ETV6: variants seen among roughly 807,000 people sequenced by gnomAD.
ETV6 encodes the protein ETS variant transcription factor 6.
ETV6 carries 16 observed loss-of-function variants against 51.1 expected under a neutral mutation model. The observed-to-expected ratio is 0.31, with a 90% CI of 0.21 to 0.48. The LOEUF (loss-of-function observed/expected upper bound fraction) is 0.48. Ranked by LOEUF, ETV6 falls within the 20% of genes least tolerant of loss-of-function variation. The pLI is 0.99. For missense variants in ETV6, 458 were observed against 594.8 expected (o/e 0.77, Z 2.39); for synonymous variants, 240 against 224.1 (o/e 1.07, Z -0.64).
chr12:11,823,612 T>C (rs1270493992), intron 2 of ETV6, among the ~76,000 whole-genome samples: 5 of 151,908 alleles, frequency 3.3e-5, no homozygotes, highest in Non-Finnish European at 4.4e-5. Flanking sequence ...GATGACAGGC[T>C]CCCATCACTA....
At chr12:11,880,156 T>C (rs1947067523) in intron 5 of ETV6, among the ~76,000 whole-genome samples, 1 of 152,034 alleles carries the variant, frequency 6.6e-6, no homozygotes, top group Non-Finnish European at 1.5e-5. Context: ...CCACTTATAC[T>C]CTGAGCTTGA....
At position 11,891,255 on chromosome 12, in the gene ETV6, A is replaced by T. The variant is rs1412187076; in HGVS notation, c.*209A>T. On this transcript the variant is annotated 3_prime_UTR_variant, in exon 8 of 8. Transcript: ENST00000396373. ...ACAGGCGGGGCTGGAATTCTGGCGG[A>T]GGGCATGAGCCTGGGACTCCATGTC... 7 of 518,538 alleles carry T rather than the reference A, an allele frequency of 1.3e-5. No homozygotes were observed. In the Admixed American group the frequency reaches 2.4e-4, roughly 18 times the overall value. 32.1% of individuals were successfully genotyped at this position (518,538 alleles called of 1,614,324 possible). A position where few individuals can be genotyped will look rare whatever the true frequency, so the allele number is the denominator to read the frequency against.
At chr12:11,852,098 G>A (rs2238123) in intron 3 of ETV6, among the ~76,000 whole-genome samples, 60,096 of 152,098 alleles carry the variant, frequency 0.4, 14,078 homozygotes, top group South Asian at 0.59. Flanking sequence ...TCACAGGCCT[G>A]TGATATTGTA....
intron 1 of ETV6, among the ~76,000 whole-genome samples, chr12:11,685,739 C>A (rs1274195772): frequency 6.6e-6 from 1 of 152,096 alleles, no homozygotes; most frequent in Non-Finnish European, 1.5e-5. Flanking sequence ...TTGTCTTAAT[C>A]TTTTCTGTAA....
At chr12:11,664,182 GT>G (rs1864153954) in intron 1 of ETV6, among the ~76,000 whole-genome samples, 2 of 152,150 alleles carry the variant, frequency 1.3e-5, no homozygotes, top group Admixed American at 1.3e-4. Context: ...CTACTATTGG[GT>G]TTTTAATGGA....
chr12:11,737,171 C>T (rs1865719048), intron 1 of ETV6, among the ~76,000 whole-genome samples: 1 of 152,118 alleles, frequency 6.6e-6, no homozygotes, highest in Admixed American at 6.5e-5. Flanking sequence ...AAGAACAAGA[C>T]CTAGATCCAG....
intron 2 of ETV6, among the ~76,000 whole-genome samples, chr12:11,833,118 A>G (rs7972488): frequency 0.074 from 11,259 of 152,284 alleles, 1,010 homozygotes; most frequent in African/African-American, 0.22. Context: ...TGCTAGCTAT[A>G]TATGTTCAGG....
chr12:11,833,305 A>G (rs1182067718), intron 2 of ETV6, among the ~76,000 whole-genome samples: 1 of 152,222 alleles, frequency 6.6e-6, no homozygotes, highest in Admixed American at 6.5e-5. Flanking sequence ...TACATTATCT[A>G]TGATTCAATG....
chr12:11,690,886 C>CTAAATAAA (rs58188628), intron 1 of ETV6, among the ~76,000 whole-genome samples: 16,775 of 140,476 alleles, frequency 0.12, 2,298 homozygotes, highest in African/African-American at 0.34. Context: ...GACTCTGTCT[C>CTAAATAAA]TAAATAAATA....
chr12:11,665,701 C>A (rs1206157557), intron 1 of ETV6, among the ~76,000 whole-genome samples: 1 of 152,178 alleles, frequency 6.6e-6, no homozygotes, highest in Non-Finnish European at 1.5e-5. Flanking sequence ...TGAGCAAATA[C>A]TCTGTGAGGG....
intron 2 of ETV6, among the ~76,000 whole-genome samples, chr12:11,754,121 G>A (rs952626166): frequency 2.0e-5 from 3 of 152,074 alleles, no homozygotes; most frequent in African/African-American, 7.2e-5. Flanking sequence ...AGAAATATTC[G>A]CCTCAGGATG....
intron 1 of ETV6, among the ~76,000 whole-genome samples, chr12:11,694,118 T>C (rs1217741520): frequency 1.3e-5 from 2 of 152,210 alleles, no homozygotes; most frequent in African/African-American, 4.8e-5. Flanking sequence ...GGATGGCTTT[T>C]TGGAAATCAT....
rs59241338 is a variant in ETV6 at position 11,738,307 on chromosome 12, C to CTTTT, written c.34-14125_34-14122dup. Among the ~76,000 whole-genome samples, 32 of 114,028 alleles carry CTTTT rather than the reference C, an allele frequency of 2.8e-4. 1 individual carries two copies. The highest frequency in any genetic ancestry group is 1.2e-3 in the African/African-American group (30 of 25,526). 74.8% of individuals were successfully genotyped at this position (114,028 alleles called of 152,430 possible). The stretch of plus-strand genomic sequence containing the variant: ...TCTCTCTGTTTTTTGTTTGTTTTTG[C>CTTTT]TTTTTTTTTTTTTTTTTTTTTAAAT... On this transcript the variant is annotated intron_variant, in intron 1 of 7. Transcript: ENST00000396373.
chr12:11,690,271 C>A (rs1254591859), intron 1 of ETV6, among the ~76,000 whole-genome samples: 3 of 151,910 alleles, frequency 2.0e-5, no homozygotes, highest in South Asian at 2.1e-4. Flanking sequence ...CTTTCTCCCC[C>A]TTCCTCACGT....
At chr12:11,664,061 G>A (rs114188208) in intron 1 of ETV6, among the ~76,000 whole-genome samples, 6 of 152,146 alleles carry the variant, frequency 3.9e-5, no homozygotes, top group African/African-American at 1.4e-4. Context: ...GCAAACTAGC[G>A]TTTGGGTTCC....
chr12:11,720,326 A>G (rs528263705), intron 1 of ETV6, among the ~76,000 whole-genome samples: 3 of 152,342 alleles, frequency 2.0e-5, no homozygotes, highest in South Asian at 2.1e-4. Context: ...TAAACAGCAC[A>G]GTTTTTAGGG....
chr12:11,802,317 C>T (rs1945762954), intron 2 of ETV6, among the ~76,000 whole-genome samples: 1 of 152,116 alleles, frequency 6.6e-6, no homozygotes, highest in South Asian at 2.1e-4. Context: ...AAGACCAGCC[C>T]TCATGGTTAA....
intron 1 of ETV6, among the ~76,000 whole-genome samples, chr12:11,703,541 A>G (rs1001660875): frequency 2.0e-5 from 3 of 152,154 alleles, no homozygotes; most frequent in Non-Finnish European, 2.9e-5. Flanking sequence ...TTTATAACAC[A>G]TACTCTGCCC....
At position 11,758,285 on chromosome 12, in the gene ETV6, G is replaced by A. The variant is rs560476873; in HGVS notation, c.163+5706G>A. Among the ~76,000 whole-genome samples, 3 of 152,228 alleles carry A rather than the reference G, an allele frequency of 2.0e-5. No individual in the cohort carries two copies. In the South Asian group the frequency reaches 6.2e-4, roughly 32 times the overall value. On this transcript the variant is annotated intron_variant, in intron 2 of 7. Transcript: ENST00000396373. ...AAGTATCAGAGCTCATTTATGTATA[G>A]CACCTGGCATAGTGCCTGGCCTGCA...
Sources: allele counts gnomAD v4.1 joint callset (sites outside exome capture counted in the v4.1 genomes callset), GRCh38; gene constraint gnomAD v4.1.1; transcripts MANE v1.5; gene names NCBI Gene and HGNC (gene_info 2026-07-23, HGNC 2026-07-21).